CSMD1: variants seen among roughly 807,000 people sequenced by gnomAD.
CSMD1 encodes the protein CUB and Sushi multiple domains 1, also known as CUB and sushi domain-containing protein 1.
CSMD1 carries 213 observed loss-of-function variants against 417.5 expected under a neutral mutation model. The ratio of observed to expected loss-of-function variants is 0.51; its 90% confidence interval spans 0.46 to 0.57. CSMD1 has a LOEUF of 0.57. CSMD1 is among the 20% of genes least tolerant of loss of function. The probability of loss-of-function intolerance (pLI) is 0.00; values close to 1 mark genes in which losing one functional copy is unlikely to be tolerated. For missense variants in CSMD1, 6,923 were observed against 4,529.7 expected (o/e 1.53, Z -15.17); for synonymous variants, 2,862 against 1,736.8 (o/e 1.65, Z -16.11).
chr8:3,043,942 T>A (rs180890058), intron 50 of CSMD1, among the ~76,000 whole-genome samples: 1 of 152,228 alleles, frequency 6.6e-6, no homozygotes, highest in African/African-American at 2.4e-5. Flanking sequence ...TAAATAAAAA[T>A]GTCTCCACAT....
At chr8:3,643,198 T>C (rs1797392919) in intron 7 of CSMD1, among the ~76,000 whole-genome samples, 1 of 150,968 alleles carries the variant, frequency 6.6e-6, no homozygotes, top group African/African-American at 2.4e-5. Flanking sequence ...GGAAAACCAA[T>C]CAGGATAATG....
At chr8:4,224,033 C>A (rs530927180) in intron 3 of CSMD1, among the ~76,000 whole-genome samples, 1 of 152,176 alleles carries the variant, frequency 6.6e-6, no homozygotes, top group African/African-American at 2.4e-5. Context: ...GTTATTTTAA[C>A]AAAACATGCA....
intron 1 of CSMD1, among the ~76,000 whole-genome samples, chr8:4,733,632 T>C (rs1810041023): frequency 6.6e-6 from 1 of 152,220 alleles, no homozygotes. Context: ...TATCCAATAG[T>C]CTACACTGCA....
chr8:3,951,371 AGTTT>A (rs1169070184), intron 5 of CSMD1, among the ~76,000 whole-genome samples: 5 of 152,230 alleles, frequency 3.3e-5, no homozygotes, highest in Admixed American at 3.3e-4. Flanking sequence ...GAATTCAATA[AGTTT>A]GTTAATTAAA....
rs570864922 is a variant in CSMD1 at position 3,250,293 on chromosome 8, G to A, written c.4154-20062C>T. Among the ~76,000 whole-genome samples, 297 of 152,262 alleles carry A rather than the reference G, an allele frequency of 2.0e-3. 1 individual carries two copies. The highest frequency in any genetic ancestry group is 7.1e-3 in the Admixed American group (109 of 15,300). ...CTCATTGTTCAATTCCCACCTATGA[G>A]TGAGAACATGTGGTGTTTGGTTTTT... On this transcript the variant is annotated intron_variant, in intron 26 of 69. Coordinates refer to ENST00000635120, the MANE Select transcript of CSMD1 (RefSeq NM_033225.6).
At chr8:4,022,269 A>C (rs1796828126) in intron 4 of CSMD1, among the ~76,000 whole-genome samples, 1 of 151,050 alleles carries the variant, frequency 6.6e-6, no homozygotes. Context: ...TCATTTGCTT[A>C]TCTCTTATGT....
chr8:4,693,060 A>G (rs2617013), intron 1 of CSMD1, among the ~76,000 whole-genome samples: 81,648 of 151,490 alleles, frequency 0.54, 22,207 homozygotes, highest in Admixed American at 0.65. Flanking sequence ...TGTGATACTG[A>G]CTACACTACA....
At chr8:3,597,245 G>A (rs1230002726) in intron 8 of CSMD1, among the ~76,000 whole-genome samples, 1 of 152,158 alleles carries the variant, frequency 6.6e-6, no homozygotes, top group Non-Finnish European at 1.5e-5. Context: ...GGTACACCCA[G>A]GCTGTCTAGA....
At chr8:4,730,906 C>T (rs917391304) in intron 1 of CSMD1, among the ~76,000 whole-genome samples, 1 of 126,756 alleles carries the variant, frequency 7.9e-6, no homozygotes, top group Admixed American at 8.8e-5. Context: ...CTAAACCGTG[C>T]TTTGTTTCCA....
At chr8:3,532,969 A>G (rs959107892) in intron 10 of CSMD1, among the ~76,000 whole-genome samples, 1 of 152,204 alleles carries the variant, frequency 6.6e-6, no homozygotes. Context: ...GTCTCATACA[A>G]TCACCTCATT....
At chr8:4,405,817 C>A (rs912304098) in intron 3 of CSMD1, among the ~76,000 whole-genome samples, 1 of 152,150 alleles carries the variant, frequency 6.6e-6, no homozygotes, top group Non-Finnish European at 1.5e-5. Context: ...CTGGGCGGAG[C>A]AGTGCGTGCC....
At position 3,190,001 on chromosome 8, in the gene CSMD1, C is replaced by T; in HGVS notation, c.5309G>A (p.Gly1770Glu). 1 of 1,599,116 alleles carries T rather than the reference C, an allele frequency of 6.3e-7. No individual in the cohort carries two copies. Residue 1770 changes from glycine to glutamate, a missense_variant, in exon 34 of 70, where the codon GGA becomes GAA. Gly to Glu is a moderately conservative substitution (Grantham distance 98). Coordinates refer to ENST00000635120, the MANE Select transcript of CSMD1 (RefSeq NM_033225.6). ...CGCCGTGGAACCCTGAAGCAGGTAT[C>T]CCGGGTTGCACTCGAATCGGACGAT... ...GSIVRFECNP[G>E]YLLQGSTALH...
intron 3 of CSMD1, among the ~76,000 whole-genome samples, chr8:4,160,073 A>C (rs1414953118): frequency 1.4e-5 from 2 of 147,552 alleles, no homozygotes; most frequent in Non-Finnish European, 3.0e-5. Context: ...TGTTCTCCAA[A>C]AGTATGGAAT....
chr8:3,415,816 G>T (rs767820087), intron 12 of CSMD1, among the ~76,000 whole-genome samples: 1 of 152,134 alleles, frequency 6.6e-6, no homozygotes, highest in South Asian at 2.1e-4. Context: ...ATAAATGGAA[G>T]ACAAAACTTC....
At chr8:3,636,499 G>C (rs558540503) in intron 7 of CSMD1, among the ~76,000 whole-genome samples, 1 of 152,136 alleles carries the variant, frequency 6.6e-6, no homozygotes, top group African/African-American at 2.4e-5. Flanking sequence ...ATCTTTAGGA[G>C]TCTATCTAAG....
intron 4 of CSMD1, among the ~76,000 whole-genome samples, chr8:4,008,862 G>A (rs576269127): frequency 2.0e-5 from 3 of 151,816 alleles, no homozygotes; most frequent in South Asian, 2.1e-4. Context: ...CGTCCGCCTC[G>A]GCCTCCCAAA....
At chr8:3,534,240 GCATT>G (rs1302094308) in intron 10 of CSMD1, among the ~76,000 whole-genome samples, 1 of 152,084 alleles carries the variant, frequency 6.6e-6, no homozygotes, top group East Asian at 1.9e-4. Flanking sequence ...CAGAAGATCT[GCATT>G]CAATTATCTA....
intron 1 of CSMD1, among the ~76,000 whole-genome samples, chr8:4,717,299 C>T (rs1461964872): frequency 7.8e-6 from 1 of 128,474 alleles, no homozygotes; most frequent in African/African-American, 4.0e-5. Flanking sequence ...GCCCTTCTCT[C>T]TCTCTCTCTC....
chr8:4,038,123 G>A (rs1478877802), intron 3 of CSMD1, among the ~76,000 whole-genome samples: 1 of 152,064 alleles, frequency 6.6e-6, no homozygotes, highest in African/African-American at 2.4e-5. Flanking sequence ...ACCATTTAAG[G>A]TTTAAAGTCA....
Sources: allele counts gnomAD v4.1 joint callset (sites outside exome capture counted in the v4.1 genomes callset), GRCh38; gene constraint gnomAD v4.1.1; transcripts MANE v1.5; gene names NCBI Gene and HGNC (gene_info 2026-07-23, HGNC 2026-07-21).